BRPF3: variants seen among roughly 807,000 people sequenced by gnomAD.
BRPF3 encodes bromodomain and PHD finger containing 3.
BRPF3 carries 18 observed loss-of-function variants against 102.0 expected under a neutral mutation model. The observed-to-expected ratio is 0.18, with a 90% CI of 0.12 to 0.26. The LOEUF (loss-of-function observed/expected upper bound fraction) is 0.26. Among genes scored for constraint, BRPF3 ranks in the 10% least tolerant of loss-of-function variants. The pLI is 1.00. For synonymous variants in BRPF3, 570 were observed against 614.2 expected (o/e 0.93, Z 1.06); for missense variants, 1,147 against 1,567.8 (o/e 0.73, Z 4.53).
At position 36,201,621 on chromosome 6, in the gene BRPF3, T is replaced by C. The variant is rs1001736296; in HGVS notation, c.1299T>C (p.Ala433=). The change falls in exon 2 of 13, where the codon GCT becomes GCC. Residue 433 remains alanine (A), a synonymous_variant. Coordinates refer to ENST00000357641, the MANE Select transcript of BRPF3 (RefSeq NM_015695.3). The surrounding 1 kb of genome is among the most constrained non-coding windows in gnomAD (Gnocchi z 5.1). Reference sequence around the variant, plus strand: ...AGGTGGAGGAAGAAGAGCAGGAAGCTCAAGGCGGGGTGAGTGGCTCCCTCA... The same window carrying C: ...AGGTGGAGGAAGAAGAGCAGGAAGCCCAAGGCGGGGTGAGTGGCTCCCTCA... ...EEEVEEEEQE[A]QGGVSGSLKG... The C allele has an allele frequency of 6.2e-7, 1 of 1,613,880 alleles. No individual in the cohort carries two copies. The highest frequency in any genetic ancestry group is 8.5e-7 in the Non-Finnish European group (1 of 1,179,940).
chr6:36,212,763 C>G (rs938676421), intron 7 of BRPF3, among the ~76,000 whole-genome samples: 20 of 151,276 alleles, frequency 1.3e-4, no homozygotes, highest in African/African-American at 4.9e-4. Flanking sequence ...ACCATCCTGG[C>G]TAACAAGGTG....
chr6:36,202,653 A>T (rs1417840044), intron 2 of BRPF3, among the ~76,000 whole-genome samples: 1 of 151,882 alleles, frequency 6.6e-6, no homozygotes, highest in Non-Finnish European at 1.5e-5. Flanking sequence ...CTTCTCCCAC[A>T]CCCCCAGATG....
rs974295777 is a variant in BRPF3, at chr6:36,196,793, AGCG to A, written c.-192_-190del. On this transcript the variant is annotated 5_prime_UTR_variant, in exon 1 of 13. Transcript: ENST00000357641. ...GCTCCATTCCCCCTCCTCCCCCGGG[AGCG>A]GCGGCGGCGGCCGGGCCGGGGCCCC... The A allele has an allele frequency of 3.3e-5, 5 of 151,002 alleles. No homozygotes were observed. The highest frequency in any genetic ancestry group is 5.8e-5 in the Non-Finnish European group (4 of 68,784). 9.4% of individuals were successfully genotyped at this position (151,002 alleles called of 1,614,324 possible).
At chr6:36,222,715 C>T (rs1462079922) in intron 10 of BRPF3, among the ~76,000 whole-genome samples, 2 of 152,152 alleles carry the variant, frequency 1.3e-5, no homozygotes, top group East Asian at 3.8e-4. Flanking sequence ...GGAGATCCTT[C>T]TGTGCTTTTT....
At chr6:36,203,754 C>T (rs1291071711) in intron 2 of BRPF3, among the ~76,000 whole-genome samples, 1 of 152,172 alleles carries the variant, frequency 6.6e-6, no homozygotes, top group Non-Finnish European at 1.5e-5. Flanking sequence ...GCCTTGCTTA[C>T]CCTGTGGATA....
intron 9 of BRPF3, among the ~76,000 whole-genome samples, chr6:36,220,263 T>A (rs1236584048): frequency 1.3e-5 from 2 of 152,248 alleles, no homozygotes; most frequent in African/African-American, 4.8e-5. Context: ...TATAGTACAG[T>A]ATTAGCAGTT....
chr6:36,211,277 A>T lies in BRPF3; in HGVS notation c.2199A>T (p.Pro733=). ...TGGCAGTGGACAACATCCTCATCCC[A>T]GAGAACCGGGCCCATTTGTCCCCAG... ...SWEDVDNILI[P]ENRAHLSPEV... The change falls in exon 7 of 13, where the codon CCA becomes CCT. Residue 733 remains proline (P), a synonymous_variant. Transcript: ENST00000357641. The T allele has an allele frequency of 6.2e-7, 1 of 1,613,776 alleles. No homozygotes were observed. Among genetic ancestry groups the T allele is most frequent in the Non-Finnish European group, 8.5e-7 (1 of 1,179,758 alleles).
In BRPF3 at chr6:36,200,487, T is replaced by C. The variant is rs1238718398; in HGVS notation, c.165T>C (p.Tyr55=). 1 of 1,614,106 alleles carries C rather than the reference T, an allele frequency of 6.2e-7. No individual in the cohort carries two copies. The highest frequency in any genetic ancestry group is 8.5e-7 in the Non-Finnish European group (1 of 1,180,054). Residue 55 remains tyrosine (Y), a synonymous_variant, in exon 2 of 13, where the codon TAT becomes TAC. Coordinates refer to ENST00000357641, the MANE Select transcript of BRPF3 (RefSeq NM_015695.3). This position sits in a 1 kb window ranked among gnomAD's most constrained non-coding sequence, Gnocchi z 5.3. ...GACGCCTGCATCGTATCAGCATCTA[T>C]GACCCACTCAAAATCATTACTGAAG... ...IDGRLHRISI[Y]DPLKIITEDE... is the part of the protein sequence containing the mutation.
At chr6:36,220,470 A>G (rs1220060564) in intron 9 of BRPF3, among the ~76,000 whole-genome samples, 2 of 152,340 alleles carry the variant, frequency 1.3e-5, no homozygotes, top group South Asian at 2.1e-4. Context: ...ACTGATAACA[A>G]GAGCTGGGTT....
At chr6:36,211,851 C>G (rs989791529) in intron 7 of BRPF3, among the ~76,000 whole-genome samples, 1 of 152,170 alleles carries the variant, frequency 6.6e-6, no homozygotes, top group Non-Finnish European at 1.5e-5. Context: ...TGGGGAGTTT[C>G]AGGTGCTGCA....
At chr6:36,211,629 A>G (rs1768118006) in intron 7 of BRPF3, 69 bp downstream of exon 7, 23 of 1,491,686 alleles carry the variant, frequency 1.5e-5, no homozygotes, top group Non-Finnish European at 2.1e-5. Context: ...CTGAAATATC[A>G]TAATGGGGGT....
chr6:36,215,163 C>G (rs1157508602), intron 8 of BRPF3, among the ~76,000 whole-genome samples: 1 of 152,046 alleles, frequency 6.6e-6, no homozygotes, highest in African/African-American at 2.4e-5. Context: ...GTCGCCCAGG[C>G]TAGAGTGCAG....
At position 36,214,072 on chromosome 6, in the gene BRPF3, A is replaced by G. The variant is rs759367970; in HGVS notation, c.2675A>G (p.Asn892Ser). 3.1e-6 allele frequency: 5 copies of G among 1,614,100 alleles called. No individual in the cohort carries two copies. Among genetic ancestry groups the G allele is most frequent in the South Asian group, 1.1e-5 (1 of 91,092 alleles). Residue 892 changes from asparagine to serine, a missense_variant, in exon 8 of 13, where the codon AAT (asparagine) becomes AGT (serine). Physicochemically the swap from Asn to Ser is conservative, Grantham distance 46. Around this residue, in one of 11 missense-constraint regions of BRPF3, gnomAD observed 379 missense variants for 426.3 expected, o/e 0.89. Transcript: ENST00000357641. ...LLEKSPLQLGNEPLQRLLSDN... is the reference protein window; with the variant it reads ...LLEKSPLQLGSEPLQRLLSDN... ...GAAAAATCACCACTGCAGCTAGGGA[A>G]TGAGCCTTTGCAACGCTTGCTCAGT...
Position 36,200,896 on chromosome 6 carries a change from G to C in BRPF3, c.574G>C (p.Glu192Gln). The C allele has an allele frequency of 1.2e-6, 2 of 1,614,174 alleles. No individual in the cohort carries two copies. The highest frequency in any genetic ancestry group is 1.7e-6 in the Non-Finnish European group (2 of 1,180,028). ...CTTTGAGCTGCTGGTAGACCGGCTT[G>C]AGAAAGAGTCATACTTGGAGAGTCG... Reference protein sequence around the residue: ...DTFELLVDRLEKESYLESRSS... With the variant: ...DTFELLVDRLQKESYLESRSS... The change falls in exon 2 of 13, where the codon GAG becomes CAG. Residue 192 changes from glutamate (E) to glutamine (Q), a missense_variant. Transcript: ENST00000357641. The surrounding 1 kb of genome is among the most constrained non-coding windows in gnomAD (Gnocchi z 5.3).
intron 1 of BRPF3, among the ~76,000 whole-genome samples, chr6:36,198,611 A>G (rs1377752567): frequency 1.3e-5 from 2 of 152,260 alleles, no homozygotes; most frequent in Admixed American, 1.3e-4. Context: ...AAATATTAAA[A>G]GTAAGAGGGC....
rs1768945397 is a variant in BRPF3 at position 36,231,664 on chromosome 6, GGCCT to G, written c.*1058_*1061del. On this transcript the variant is annotated 3_prime_UTR_variant, in exon 13 of 13. Coordinates refer to ENST00000357641, the MANE Select transcript of BRPF3 (RefSeq NM_015695.3). Reference sequence around the variant, plus strand: ...GGCGCCTGCCACCAAACATCTTCCTGGCCTGCGCTCTGCCCTGCCCTGCCTAGCC... The same window carrying G: ...GGCGCCTGCCACCAAACATCTTCCTGGCGCTCTGCCCTGCCCTGCCTAGCC... 1 of 152,334 alleles carries G rather than the reference GGCCT, an allele frequency of 6.6e-6. No individual in the cohort carries two copies. Among genetic ancestry groups the G allele is most frequent in the African/African-American group, 2.4e-5 (1 of 41,388 alleles). 9.4% of individuals were successfully genotyped at this position (152,334 alleles called of 1,614,324 possible).
rs762968268 is a variant in BRPF3 at position 36,211,354 on chromosome 6, G to A, written c.2276G>A (p.Arg759Gln). The change falls in exon 7 of 13, where the codon CGG becomes CAG. Residue 759 changes from arginine to glutamine, a missense_variant. Physicochemically the swap from Arg to Gln is conservative, Grantham distance 43. Coordinates refer to ENST00000357641, the MANE Select transcript of BRPF3 (RefSeq NM_015695.3). The stretch of plus-strand genomic sequence containing the variant: ...AAACTGGACCTGGTGAGCGCCATGC[G>A]GTCCAGTGGGGCCCGCACCCGTCGT... ...LEKLDLVSAM[R>Q]SSGARTRRVR... The A allele has an allele frequency of 8.7e-6, 14 of 1,614,236 alleles. No homozygotes were observed. The Admixed American group carries it at 1.0e-4, about 12-fold the overall frequency.
In BRPF3 at chr6:36,199,419, C is replaced by T. The variant is rs528674449; in HGVS notation, c.-26-878C>T. On this transcript the variant is annotated intron_variant, in intron 1 of 12. Transcript: ENST00000357641. ...GCCAAAAAGGCTGGGGACTGCTGTC[C>T]TGGATGGTGTCTTTTGTAGGGAATA... 7.9e-5 allele frequency among the ~76,000 whole-genome samples: 12 copies of T among 152,288 alleles called. No individual in the cohort carries two copies. In the South Asian group the frequency reaches 2.1e-3, roughly 26 times the overall value.
intron 9 of BRPF3, among the ~76,000 whole-genome samples, chr6:36,218,911 C>G (rs1044013792): frequency 1.3e-5 from 2 of 152,114 alleles, no homozygotes. Flanking sequence ...TTATGGAGCC[C>G]CTGCTCTGTG....
Sources: allele counts gnomAD v4.1 joint callset (sites outside exome capture counted in the v4.1 genomes callset), GRCh38; gene constraint gnomAD v4.1.1; regional missense constraint gnomAD v4.1.1; non-coding constraint Gnocchi (gnomAD v3.1); transcripts MANE v1.5; gene names NCBI Gene and HGNC (gene_info 2026-07-23, HGNC 2026-07-21).